Variants in CYP24A1 observed in about 807,000 individuals in gnomAD.
The protein encoded by CYP24A1 is cytochrome P450 family 24 subfamily A member 1.
In CYP24A1, 68 loss-of-function variants were observed where a neutral mutation model predicts 62.4. That is an observed-to-expected ratio of 1.09 (90% CI 0.90 to 1.33). CYP24A1 has a LOEUF of 1.33. CYP24A1 is among the 40% of genes most tolerant of loss of function. The probability of loss-of-function intolerance (pLI) is 0.00; values close to 1 mark genes in which losing one functional copy is unlikely to be tolerated. For synonymous variants in CYP24A1, 267 were observed against 253.0 expected (o/e 1.06, Z -0.52); for missense variants, 787 against 653.0 (o/e 1.21, Z -2.24).
At chr20:54,164,153 C>T (rs895187076) in intron 6 of CYP24A1, among the ~76,000 whole-genome samples, 4 of 152,178 alleles carry the variant, frequency 2.6e-5, no homozygotes, top group Non-Finnish European at 2.9e-5. Flanking sequence ...CCGGGCTGAT[C>T]TCAAACTCCT....
At chr20:54,149,810 C>T (rs141757936), downstream of CYP24A1, among the ~76,000 whole-genome samples, 84 of 152,296 alleles carry the variant, frequency 5.5e-4, no homozygotes, top group Middle Eastern at 3.4e-3. Context: ...AGATGAGAAA[C>T]GAGATCCACC....
Position 54,157,455 on chromosome 20 carries a change from C to A in CYP24A1, c.1367G>T (p.Gly456Val). The stretch of plus-strand genomic sequence containing the variant: ...ACCAATGCACATTCTTTTTCCAACG[C>A]CAAATGGAAGATGCGCAAAAGGATT... ...KINPFAHLPFGVGKRMCIGRR... is the reference protein window; with the variant it reads ...KINPFAHLPFVVGKRMCIGRR... The change falls in exon 10 of 12, where the codon GGC becomes GTC. Residue 456 changes from glycine to valine, a missense_variant. Physicochemically the swap from Gly to Val is moderately radical, Grantham distance 109 (BLOSUM62 -3). Transcript: ENST00000216862. 1 of 1,604,442 alleles carries A rather than the reference C, an allele frequency of 6.2e-7. No homozygotes were observed. Among genetic ancestry groups the A allele is most frequent in the Non-Finnish European group, 8.5e-7 (1 of 1,171,142 alleles).
chr20:54,158,310 TG>T, intron 8 of CYP24A1, 146 bp from the exon 9 acceptor site: 1 of 1,478,096 alleles, frequency 6.8e-7, no homozygotes, highest in South Asian at 1.3e-5. Context: ...CTAAAGAAGT[TG>T]TTTTTTTCTT....
chr20:54,168,842 CCCTT>C (rs1232356002), intron 4 of CYP24A1, among the ~76,000 whole-genome samples: 2 of 42,220 alleles, frequency 4.7e-5, no homozygotes, highest in East Asian at 6.9e-4. Flanking sequence ...CTCCCTCCCT[CCCTT>C]CTTCCTTCCT....
chr20:54,173,249 CGG>C lies in CYP24A1; in HGVS notation c.258+71_258+72del. ...CACCATGCGCCCGAGGCGCGCATGTCGGGGAGGGTTTGGAGCGCCACTGGGAG... is the reference window on the plus strand; with the variant it reads ...CACCATGCGCCCGAGGCGCGCATGTCGGAGGGTTTGGAGCGCCACTGGGAG... On this transcript the variant is annotated intron_variant, in intron 1 of 11. Coordinates refer to ENST00000216862, the MANE Select transcript of CYP24A1 (RefSeq NM_000782.5). This position sits in a 1 kb window ranked among gnomAD's most constrained non-coding sequence, Gnocchi z 7.2. The C allele has an allele frequency of 6.5e-7, 1 of 1,529,326 alleles. No homozygotes were observed. The allele number at this position is 1,529,326 out of a possible 1,614,324, so 94.7% of individuals were successfully genotyped here.
At chr20:54,165,706 A>T in intron 5 of CYP24A1, 36 bp downstream of exon 5, 1 of 1,002,378 alleles carries the variant, frequency 1.0e-6, no homozygotes, top group Non-Finnish European at 1.6e-6. Flanking sequence ...GTAAAACATC[A>T]ATCAAGAAAA....
At chr20:54,146,909 G>T in the CYP24A1 span, among the ~76,000 whole-genome samples, 1 of 152,196 alleles carries the variant, frequency 6.6e-6, no homozygotes, top group African/African-American at 2.4e-5. Context: ...AAGCATAAGT[G>T]ATATTAATCA....
chr20:54,171,103 C>T (rs1225812124), intron 3 of CYP24A1, among the ~76,000 whole-genome samples: 1 of 152,210 alleles, frequency 6.6e-6, no homozygotes, highest in Non-Finnish European at 1.5e-5. Flanking sequence ...ATGCCTTCCC[C>T]CACTTTCTCT....
In CYP24A1 at chr20:54,154,716, C is replaced by A; in HGVS notation, c.*56G>T. Reference sequence around the variant, plus strand: ...GTAGAATGCCTTGGATCCCAGCACTCAGTCCGCTTCCCTGAGTTGGATATG... The same window carrying A: ...GTAGAATGCCTTGGATCCCAGCACTAAGTCCGCTTCCCTGAGTTGGATATG... On this transcript the variant is annotated 3_prime_UTR_variant, in exon 12 of 12. Coordinates refer to ENST00000216862, the MANE Select transcript of CYP24A1 (RefSeq NM_000782.5). The A allele has an allele frequency of 6.5e-6, 1 of 154,256 alleles. No homozygotes were observed. The highest frequency in any genetic ancestry group is 1.4e-5 in the Non-Finnish European group (1 of 69,304). 9.6% of individuals were successfully genotyped at this position (154,256 alleles called of 1,614,324 possible).
intron 4 of CYP24A1, among the ~76,000 whole-genome samples, chr20:54,168,609 T>G (rs2092680715): frequency 6.6e-6 from 1 of 152,198 alleles, no homozygotes; most frequent in Non-Finnish European, 1.5e-5. Context: ...CCTTTAGGAC[T>G]TACCTCAAAT....
chr20:54,159,355 A>C (rs1400990327), intron 7 of CYP24A1, among the ~76,000 whole-genome samples: 2 of 152,008 alleles, frequency 1.3e-5, no homozygotes, highest in Admixed American at 1.3e-4. Context: ...AGGGAATCAA[A>C]GTATAATCCT....
chr20:54,162,708 C>T lies in CYP24A1; in HGVS notation c.990+9G>A, dbSNP rs6022993. The T allele has an allele frequency of 0.014, 21,971 of 1,577,294 alleles. 2,450 individuals carry two copies. The African/African-American group carries it at 0.25, about 18-fold the overall frequency. ...TCATTTAGCAAACTCAAATCCAGCC[C>T]ACCCTTACCGTTTCCACCGCAGCCA... On this transcript the variant is annotated intron_variant, in intron 7 of 11. Transcript: ENST00000216862.
At chr20:54,164,958 T>C (rs1179420318) in intron 5 of CYP24A1, among the ~76,000 whole-genome samples, 1 of 152,230 alleles carries the variant, frequency 6.6e-6, no homozygotes, top group Non-Finnish European at 1.5e-5. Context: ...CCCAAACTAT[T>C]CAAAAAGATA....
At chr20:54,166,431 C>T (rs2092672288) in intron 4 of CYP24A1, among the ~76,000 whole-genome samples, 1 of 152,076 alleles carries the variant, frequency 6.6e-6, no homozygotes, top group African/African-American at 2.4e-5. Flanking sequence ...AAAATGAATA[C>T]CTGAATCCCC....
chr20:54,150,973 G>A (rs868258721), downstream of CYP24A1, among the ~76,000 whole-genome samples: 19 of 152,248 alleles, frequency 1.2e-4, no homozygotes, highest in South Asian at 1.9e-3. Flanking sequence ...ATACAAACAC[G>A]ATCAGTTTTA....
intron 6 of CYP24A1, 53 bp downstream of exon 6, chr20:54,164,399 A>G: frequency 1.9e-6 from 3 of 1,613,470 alleles, no homozygotes; most frequent in Non-Finnish European, 8.5e-7. Flanking sequence ...CTGAAGCTCC[A>G]GACACGGGGG....
intron 6 of CYP24A1, among the ~76,000 whole-genome samples, 166 bp downstream of exon 6, chr20:54,164,286 T>C (rs2092662937): frequency 6.6e-6 from 1 of 152,136 alleles, no homozygotes; most frequent in Admixed American, 6.5e-5. Flanking sequence ...ACAGAAAGCT[T>C]GTTACTTAGA....
chr20:54,167,420 T>A (rs984365721), intron 4 of CYP24A1, among the ~76,000 whole-genome samples: 1 of 152,082 alleles, frequency 6.6e-6, no homozygotes, highest in Non-Finnish European at 1.5e-5. Context: ...GGTGGGAGCA[T>A]CATCTGAGGT....
At chr20:54,159,633 G>A (rs1186555802) in intron 7 of CYP24A1, among the ~76,000 whole-genome samples, 3 of 152,140 alleles carry the variant, frequency 2.0e-5, no homozygotes, top group Admixed American at 6.6e-5. Flanking sequence ...GACCTCAGGT[G>A]ATCTGCCTGC....
Sources: gnomAD v4.1 joint callset for allele counts (sites outside exome capture counted in the v4.1 genomes callset) on GRCh38, gnomAD v4.1.1 for gene constraint, Gnocchi (gnomAD v3.1) non-coding constraint, MANE v1.5 for transcripts, NCBI Gene and HGNC (gene_info 2026-07-23, HGNC 2026-07-21) for gene names.